The following CNOT8 variants were observed in gnomAD, a reference collection of about 807,000 sequenced individuals.
CNOT8 encodes the protein CCR4-NOT transcription complex subunit 8, also known as CAF1-like protein.
CNOT8 carries 18 observed loss-of-function variants against 34.6 expected under a neutral mutation model. The observed-to-expected ratio is 0.52, with a 90% CI of 0.36 to 0.77. CNOT8 has a LOEUF of 0.77. Among genes scored for constraint, CNOT8 ranks in the 30% least tolerant of loss-of-function variants. The pLI is 0.00. For missense variants in CNOT8, 189 were observed against 347.9 expected (o/e 0.54, Z 3.63); for synonymous variants, 101 against 118.8 (o/e 0.85, Z 0.98).
At chr5:154,874,919 GT>G (rs1233187516) in intron 6 of CNOT8, among the ~76,000 whole-genome samples, 3 of 151,340 alleles carry the variant, frequency 2.0e-5, no homozygotes, top group Non-Finnish European at 4.4e-5. Context: ...TGTGGTAGTG[GT>G]TTTTTTCTTT....
chr5:154,872,711 G>A lies in CNOT8; in HGVS notation c.729+60G>A. The A allele has an allele frequency of 5.7e-6, 5 of 883,754 alleles. No homozygotes were observed. The South Asian group carries it at 7.8e-5, about 14-fold the overall frequency. 54.7% of individuals were successfully genotyped at this position (883,754 alleles called of 1,614,324 possible). A position where few individuals can be genotyped will look rare whatever the true frequency, so the allele number is the denominator to read the frequency against. ...GCAGTAACTTGCTGAAGGCTAAGGA[G>A]GTAGTGGATGGTCTGTTATGTGGGC... On this transcript the variant is annotated intron_variant, in intron 6 of 6. Transcript: ENST00000285896.
At position 154,867,809 on chromosome 5, in the gene CNOT8, T is replaced by A. The variant is rs182968574; in HGVS notation, c.311+2424T>A. The A allele has an allele frequency of 2.5e-4, 44 of 173,450 alleles. 1 individual carries two copies. The highest frequency in any genetic ancestry group is 8.6e-4 in the Middle Eastern group (1 of 1,166). The allele number at this position is 173,450 out of a possible 1,614,324, so 10.7% of individuals were successfully genotyped here. On this transcript the variant is annotated intron_variant, in intron 3 of 6. Transcript: ENST00000285896. The stretch of plus-strand genomic sequence containing the variant: ...AAATACGAGGTAAAGAGAAAAAAAA[T>A]TTTTAATGTCTTTTTTAAAATATAA...
Position 154,875,569 on chromosome 5 carries a change from G to C in CNOT8, c.*130G>C. Reference sequence around the variant, plus strand: ...ACCTACCATCTGCATTGAGCAGAAAGACTTTTGTTTTACTGAAGACAAAAG... The same window carrying C: ...ACCTACCATCTGCATTGAGCAGAAACACTTTTGTTTTACTGAAGACAAAAG... On this transcript the variant is annotated 3_prime_UTR_variant, in exon 7 of 7. Coordinates refer to ENST00000285896, the MANE Select transcript of CNOT8 (RefSeq NM_001301073.2). 1 of 1,010,460 alleles carries C rather than the reference G, an allele frequency of 9.9e-7. No individual in the cohort carries two copies. Among genetic ancestry groups the C allele is most frequent in the Non-Finnish European group, 1.4e-6 (1 of 719,168 alleles). The allele number at this position is 1,010,460 out of a possible 1,614,324, so 62.6% of individuals were successfully genotyped here.
chr5:154,864,928 C>G (rs1218124584), intron 2 of CNOT8, among the ~76,000 whole-genome samples: 1 of 152,082 alleles, frequency 6.6e-6, no homozygotes, highest in Non-Finnish European at 1.5e-5. Flanking sequence ...GTAGTTCCAG[C>G]TACTTAGGGA....
intron 5 of CNOT8, among the ~76,000 whole-genome samples, chr5:154,872,181 G>A (rs1390231479): frequency 6.6e-6 from 1 of 152,232 alleles, no homozygotes; most frequent in Non-Finnish European, 1.5e-5. Flanking sequence ...CAGATTCTTA[G>A]AGGAGTTCTT....
chr5:154,867,370 A>G (rs1761994768), intron 3 of CNOT8, among the ~76,000 whole-genome samples: 1 of 152,116 alleles, frequency 6.6e-6, no homozygotes, highest in Non-Finnish European at 1.5e-5. Flanking sequence ...ACGACCATTA[A>G]TTTTTTCAGT....
At chr5:154,860,459 A>T (rs1161943324) in intron 1 of CNOT8, among the ~76,000 whole-genome samples, 1 of 151,926 alleles carries the variant, frequency 6.6e-6, no homozygotes, top group Non-Finnish European at 1.5e-5. Flanking sequence ...GGCACACACT[A>T]CCATGCCTGG....
At position 154,865,339 on chromosome 5, in the gene CNOT8, CCTT is replaced by C; in HGVS notation, c.268_270del (p.Ser90del). 1 of 1,606,042 alleles carries C rather than the reference CCTT, an allele frequency of 6.2e-7. No individual in the cohort carries two copies. Among genetic ancestry groups the C allele is most frequent in the African/African-American group, 1.3e-5 (1 of 74,490 alleles). On this transcript the variant is annotated inframe_deletion, in exon 3 of 7. Transcript: ENST00000285896. ...ATTCACAAATGAGAAGGGAGAGTAT[CCTT>C]CTGGAATCAATACTTGGCAGTTCAA...
rs372899952 is a variant in CNOT8, at chr5:154,871,559, C to CAAA, written c.474-151_474-149dup. On this transcript the variant is annotated intron_variant, in intron 4 of 6. Transcript: ENST00000285896. ...TGGGCAACAGAGTAAGACTCTGTCT[C>CAAA]AAAAAAAAAAAAAAAAAAAAAAGAT... Among the ~76,000 whole-genome samples, 257 of 55,170 alleles carry CAAA rather than the reference C, an allele frequency of 4.7e-3. 3 individuals carry two copies. Among genetic ancestry groups the CAAA allele is most frequent in the African/African-American group, 0.012 (193 of 15,576 alleles). 36.2% of individuals were successfully genotyped at this position (55,170 alleles called of 152,430 possible).
At chr5:154,873,495 A>C (rs1052896217) in intron 6 of CNOT8, among the ~76,000 whole-genome samples, 1 of 152,216 alleles carries the variant, frequency 6.6e-6, no homozygotes, top group Non-Finnish European at 1.5e-5. Context: ...AATAAATACT[A>C]TATTGAATTT....
At chr5:154,864,304 C>G (rs2113285063) in intron 2 of CNOT8, among the ~76,000 whole-genome samples, 1 of 152,022 alleles carries the variant, frequency 6.6e-6, no homozygotes, top group African/African-American at 2.4e-5. Context: ...ACTAAAAATA[C>G]AAAAAATTAG....
chr5:154,873,121 G>A (rs1039068811), intron 6 of CNOT8, among the ~76,000 whole-genome samples: 2 of 152,126 alleles, frequency 1.3e-5, no homozygotes, highest in African/African-American at 2.4e-5. Context: ...GGCCAGGCTG[G>A]TCTCGAACTC....
intron 4 of CNOT8, 138 bp downstream of exon 4, chr5:154,870,960 C>G (rs991451785): frequency 1.4e-6 from 1 of 738,874 alleles, no homozygotes; most frequent in South Asian, 1.9e-5. Context: ...GTGCTTGTTG[C>G]CCATGTTTCA....
At chr5:154,871,283 G>C (rs1193326998) in intron 4 of CNOT8, among the ~76,000 whole-genome samples, 1 of 152,116 alleles carries the variant, frequency 6.6e-6, no homozygotes, top group Admixed American at 6.6e-5. Flanking sequence ...TATAGGCCGG[G>C]CGCAGTGGCT....
chr5:154,860,291 T>TATGATG (rs58094991), intron 1 of CNOT8, among the ~76,000 whole-genome samples: 8 of 151,582 alleles, frequency 5.3e-5, no homozygotes, highest in East Asian at 1.9e-4. Flanking sequence ...GAATTGCTGG[T>TATGATG]ATGATGATGA....
In CNOT8 at chr5:154,876,394, G is replaced by GT. The variant is rs1762924841; in HGVS notation, c.*956dup. The GT allele has an allele frequency of 6.6e-6, 1 of 152,200 alleles. No individual in the cohort carries two copies. The highest frequency in any genetic ancestry group is 2.1e-4 in the South Asian group (1 of 4,832). The allele number at this position is 152,200 out of a possible 1,614,324, so 9.4% of individuals were successfully genotyped here. A position where few individuals can be genotyped will look rare whatever the true frequency, so the allele number is the denominator to read the frequency against. Reference sequence around the variant, plus strand: ...ACGTGAGGGAGATGGATTAATGTGAGTAACAGGAATGTGTCTTTAAAAAGC... The same window carrying GT: ...ACGTGAGGGAGATGGATTAATGTGAGTTAACAGGAATGTGTCTTTAAAAAGC... On this transcript the variant is annotated 3_prime_UTR_variant, in exon 7 of 7. Coordinates refer to ENST00000285896, the MANE Select transcript of CNOT8 (RefSeq NM_001301073.2).
chr5:154,864,227 G>A (rs139282685), intron 2 of CNOT8, among the ~76,000 whole-genome samples: 9 of 152,260 alleles, frequency 5.9e-5, no homozygotes, highest in East Asian at 1.9e-4. Context: ...TTGGGAGGCC[G>A]AGACGGGCGG....
In CNOT8 at chr5:154,876,450, A is replaced by G. The variant is rs2113426823; in HGVS notation, c.*1011A>G. ...TGGTTACATTTAATCAGGCAGTAAG[A>G]TAATTTGGGTTCTTGAGTTGTTTTG... On this transcript the variant is annotated 3_prime_UTR_variant, in exon 7 of 7. Coordinates refer to ENST00000285896, the MANE Select transcript of CNOT8 (RefSeq NM_001301073.2). The G allele has an allele frequency of 6.6e-6, 1 of 152,352 alleles. No homozygotes were observed. The highest frequency in any genetic ancestry group is 2.4e-5 in the African/African-American group (1 of 41,578). 9.4% of individuals were successfully genotyped at this position (152,352 alleles called of 1,614,324 possible). A position where few individuals can be genotyped will look rare whatever the true frequency, so the allele number is the denominator to read the frequency against.
At chr5:154,858,337 TC>T (rs2113205975), upstream of CNOT8, 1 of 152,352 alleles carries the variant, frequency 6.6e-6, no homozygotes, top group African/African-American at 2.4e-5. Flanking sequence ...CGGGCCGTCT[TC>T]CGCAAGCGTG....
Sources: allele counts gnomAD v4.1 joint callset (sites outside exome capture counted in the v4.1 genomes callset), GRCh38; gene constraint gnomAD v4.1.1; transcripts MANE v1.5; gene names NCBI Gene and HGNC (gene_info 2026-07-23, HGNC 2026-07-21).